The following DYNC1I1 variants were observed in gnomAD, a reference collection of about 807,000 sequenced individuals.
DYNC1I1 encodes cytoplasmic dynein 1 intermediate chain 1.
Under a neutral mutation model 86.6 loss-of-function variants are expected in DYNC1I1, and 43 were observed. The ratio of observed to expected loss-of-function variants is 0.50; its 90% CI spans 0.39 to 0.64. The LOEUF (loss-of-function observed/expected upper bound fraction) is 0.64, where lower values mean the gene tolerates loss of function less well. Ranked by LOEUF, DYNC1I1 falls within the 30% of genes least tolerant of loss-of-function variation. The pLI, the probability that DYNC1I1 is intolerant of heterozygous loss-of-function variation, is 0.00. For missense variants in DYNC1I1, 604 were observed against 788.8 expected (o/e 0.77, Z 2.81); for synonymous variants, 262 against 283.7 (o/e 0.92, Z 0.77).
chr7:96,048,831 C>G (rs1176004400), intron 14 of DYNC1I1, among the ~76,000 whole-genome samples: 1 of 152,130 alleles, frequency 6.6e-6, no homozygotes, highest in Non-Finnish European at 1.5e-5. Flanking sequence ...GTATTTGAAA[C>G]CCCAAATTAA....
chr7:95,996,522 G>T (rs924915084), intron 10 of DYNC1I1, among the ~76,000 whole-genome samples: 37 of 152,174 alleles, frequency 2.4e-4, no homozygotes, highest in Non-Finnish European at 4.9e-4. Context: ...TAATACTTTT[G>T]TAGCTGGCAT....
chr7:95,837,322 C>G (rs1246557447), intron 5 of DYNC1I1, among the ~76,000 whole-genome samples: 4 of 151,798 alleles, frequency 2.6e-5, no homozygotes, highest in Admixed American at 1.3e-4. Context: ...GCAGTCTGCC[C>G]GTTCTCAGAT....
downstream of DYNC1I1, among the ~76,000 whole-genome samples, chr7:96,102,483 T>C (rs897597449): frequency 3.3e-5 from 5 of 152,180 alleles, no homozygotes; most frequent in African/African-American, 9.7e-5. Flanking sequence ...GGCTCTTAAA[T>C]ACAAGCTGCT....
intron 10 of DYNC1I1, among the ~76,000 whole-genome samples, chr7:96,014,003 G>GA (rs539874015): frequency 1.1e-4 from 16 of 152,254 alleles, no homozygotes; most frequent in Non-Finnish European, 1.8e-4. Flanking sequence ...GGATGAAGGG[G>GA]AAAAAATCAC....
At chr7:95,851,238 A>G (rs1789570233) in intron 5 of DYNC1I1, among the ~76,000 whole-genome samples, 1 of 151,934 alleles carries the variant, frequency 6.6e-6, no homozygotes. Flanking sequence ...CCTGGCCAAT[A>G]TCACAACATT....
intron 5 of DYNC1I1, among the ~76,000 whole-genome samples, chr7:95,865,324 A>G (rs1023649514): frequency 1.4e-4 from 22 of 152,184 alleles, no homozygotes; most frequent in African/African-American, 5.1e-4. Context: ...AATACACCAC[A>G]TGATTTTAAA....
chr7:96,106,094 T>A (rs1791209713), intron 16 of DYNC1I1, among the ~76,000 whole-genome samples: 1 of 152,222 alleles, frequency 6.6e-6, no homozygotes, highest in African/African-American at 2.4e-5. Context: ...AACCAGCTTT[T>A]TAAATTGTCA....
intron 1 of DYNC1I1, among the ~76,000 whole-genome samples, chr7:95,781,227 G>A (rs536553673): frequency 6.6e-6 from 1 of 152,234 alleles, no homozygotes; most frequent in South Asian, 2.1e-4. Context: ...CAGATTTGGG[G>A]TTTTGAATAT....
chr7:96,049,257 CAAAAA>C (rs200677000), intron 14 of DYNC1I1, among the ~76,000 whole-genome samples: 2 of 76,030 alleles, frequency 2.6e-5, no homozygotes, highest in African/African-American at 9.7e-5. Context: ...GACTCCATCT[CAAAAA>C]AAAAAAAAAA....
chr7:95,842,158 A>C (rs1229282223), intron 5 of DYNC1I1, among the ~76,000 whole-genome samples: 1 of 152,178 alleles, frequency 6.6e-6, no homozygotes, highest in African/African-American at 2.4e-5. Context: ...AATATGTCTC[A>C]GCTTTTCTTA....
chr7:96,080,676 A>T (rs1790487642), intron 16 of DYNC1I1, among the ~76,000 whole-genome samples, 188 bp downstream of exon 16: 1 of 152,170 alleles, frequency 6.6e-6, no homozygotes. Flanking sequence ...GTCTCCATGC[A>T]CAGAACACTT....
intron 1 of DYNC1I1, among the ~76,000 whole-genome samples, chr7:95,778,873 C>A (rs984311061): frequency 6.6e-6 from 1 of 151,994 alleles, no homozygotes; most frequent in Non-Finnish European, 1.5e-5. Flanking sequence ...CTGTGTTGCC[C>A]AGGCTGGTCT....
At chr7:95,773,963 C>A (rs922631677) in intron 1 of DYNC1I1, among the ~76,000 whole-genome samples, 5 of 152,108 alleles carry the variant, frequency 3.3e-5, no homozygotes, top group African/African-American at 1.2e-4. Flanking sequence ...GTAATACTAC[C>A]TCTAATTATT....
chr7:95,789,431 C>G (rs1037051913), intron 1 of DYNC1I1, among the ~76,000 whole-genome samples: 1 of 152,178 alleles, frequency 6.6e-6, no homozygotes, highest in Non-Finnish European at 1.5e-5. Flanking sequence ...GTTGATTAAT[C>G]TTTCGAGAAC....
chr7:95,793,820 G>A (rs1310630643), intron 1 of DYNC1I1, among the ~76,000 whole-genome samples: 2 of 152,164 alleles, frequency 1.3e-5, no homozygotes, highest in Admixed American at 1.3e-4. Context: ...TGTTTACTCA[G>A]TGCCTACTAT....
intron 16 of DYNC1I1, among the ~76,000 whole-genome samples, chr7:96,086,028 T>G (rs1790669575): frequency 1.3e-5 from 2 of 152,216 alleles, no homozygotes; most frequent in Admixed American, 6.5e-5. Context: ...AGCTTTTCTA[T>G]GCATATAGAG....
chr7:95,883,645 G>T (rs893777919), intron 6 of DYNC1I1, among the ~76,000 whole-genome samples: 12 of 152,148 alleles, frequency 7.9e-5, no homozygotes, highest in Non-Finnish European at 1.5e-4. Flanking sequence ...TGAGAGACAT[G>T]GATTGTATTT....
intron 6 of DYNC1I1, among the ~76,000 whole-genome samples, chr7:95,916,919 A>G (rs1268209955): frequency 6.6e-6 from 1 of 152,114 alleles, no homozygotes; most frequent in African/African-American, 2.4e-5. Context: ...GTCTTTTTCT[A>G]TTTCGTTTCC....
At chr7:95,983,101 C>T (rs752071329) in intron 7 of DYNC1I1, among the ~76,000 whole-genome samples, 9 of 152,068 alleles carry the variant, frequency 5.9e-5, no homozygotes, top group East Asian at 1.9e-4. Flanking sequence ...AGGTTGGTGT[C>T]GTAGAGTTCT....
Sources: gnomAD v4.1 joint callset for allele counts (sites outside exome capture counted in the v4.1 genomes callset) on GRCh38, gnomAD v4.1.1 for gene constraint, MANE v1.5 for transcripts, NCBI Gene and HGNC (gene_info 2026-07-23, HGNC 2026-07-21) for gene names.